Variants in GLT8D2 observed in about 807,000 individuals in gnomAD.
GLT8D2 encodes glycosyltransferase 8 domain containing 2.
Under a neutral mutation model 44.5 loss-of-function variants are expected in GLT8D2, and 45 were observed. The ratio of observed to expected loss-of-function variants is 1.01; its 90% CI spans 0.80 to 1.30. The LOEUF is 1.30. Among genes scored for constraint, GLT8D2 ranks in the 50% most tolerant of loss-of-function variants. The pLI, the probability that GLT8D2 is intolerant of heterozygous loss-of-function variation, is 0.00. For synonymous variants in GLT8D2, 156 were observed against 157.2 expected (o/e 0.99, Z 0.06); for missense variants, 400 against 430.4 (o/e 0.93, Z 0.62).
intron 1 of GLT8D2, among the ~76,000 whole-genome samples, chr12:104,044,769 C>T (rs1266919400): frequency 6.6e-6 from 1 of 152,224 alleles, no homozygotes; most frequent in Non-Finnish European, 1.5e-5. Context: ...TCATTTGAAA[C>T]ACAAATGCAG....
intron 1 of GLT8D2, among the ~76,000 whole-genome samples, chr12:104,041,220 C>A (rs1019970393): frequency 1.3e-5 from 2 of 152,080 alleles, no homozygotes; most frequent in Non-Finnish European, 2.9e-5. Context: ...TCGAGACCAG[C>A]CTGGCCAACA....
intron 1 of GLT8D2, among the ~76,000 whole-genome samples, chr12:104,032,881 T>TG (rs1879479377): frequency 6.7e-6 from 1 of 148,820 alleles, no homozygotes; most frequent in South Asian, 2.1e-4. Flanking sequence ...GCAGCACTAT[T>TG]TTTTTTTTTT....
rs10571369 is a variant in GLT8D2 at position 104,012,170 on chromosome 12, CAAAAA to C, written c.112+2838_112+2842del. On this transcript the variant is annotated intron_variant, in intron 4 of 10. Transcript: ENST00000360814. ...GGGCAACAAGAGCGAAACTCTGTCT[CAAAAA>C]AAAAAAAAAAAAAAATATATATATA... 2.2e-3 allele frequency among the ~76,000 whole-genome samples: 187 copies of C among 83,250 alleles called. 1 individual carries two copies. Among genetic ancestry groups the C allele is most frequent in the African/African-American group, 8.2e-3 (171 of 20,930 alleles). 54.6% of individuals were successfully genotyped at this position (83,250 alleles called of 152,430 possible).
chr12:104,041,240 G>A (rs553878069), intron 1 of GLT8D2, among the ~76,000 whole-genome samples: 4 of 151,968 alleles, frequency 2.6e-5, no homozygotes, highest in South Asian at 2.1e-4. Context: ...ATGGTAAAAC[G>A]CTGTCTCTAC....
At chr12:104,002,257 C>G (rs1874318468) in intron 5 of GLT8D2, among the ~76,000 whole-genome samples, 1 of 152,178 alleles carries the variant, frequency 6.6e-6, no homozygotes. Context: ...CCTCACCCAG[C>G]CTACAACACC....
chr12:103,993,666 A>G (rs1873053905), intron 9 of GLT8D2, among the ~76,000 whole-genome samples, 162 bp from the exon 10 acceptor site: 1 of 152,234 alleles, frequency 6.6e-6, no homozygotes, highest in South Asian at 2.1e-4. Flanking sequence ...ATTGTCAAAC[A>G]TACACAAAAT....
intron 5 of GLT8D2, among the ~76,000 whole-genome samples, chr12:104,001,427 T>C (rs1277333550): frequency 6.6e-6 from 1 of 152,236 alleles, no homozygotes; most frequent in African/African-American, 2.4e-5. Context: ...AAATTATATA[T>C]GCATACAACC....
At chr12:104,007,989 G>A (rs1175755938) in intron 4 of GLT8D2, among the ~76,000 whole-genome samples, 1 of 152,240 alleles carries the variant, frequency 6.6e-6, no homozygotes, top group Non-Finnish European at 1.5e-5. Context: ...CAGCCATGTG[G>A]AACTGTAAGT....
intron 4 of GLT8D2, 105 bp downstream of exon 4, chr12:104,014,908 C>T: frequency 1.3e-6 from 1 of 759,138 alleles, no homozygotes; most frequent in Non-Finnish European, 2.2e-6. Flanking sequence ...GGGAGTTGAC[C>T]AAACTGTCAC....
chr12:104,024,034 T>C (rs999264208), intron 1 of GLT8D2, among the ~76,000 whole-genome samples: 1 of 152,164 alleles, frequency 6.6e-6, no homozygotes, highest in Non-Finnish European at 1.5e-5. Context: ...GGTAACTACC[T>C]AGAAGTGGTA....
chr12:104,020,583 C>T (rs1256278454), intron 2 of GLT8D2, among the ~76,000 whole-genome samples: 2 of 152,042 alleles, frequency 1.3e-5, no homozygotes, highest in African/African-American at 4.8e-5. Flanking sequence ...AAATGTGACA[C>T]ATAAAAGTAT....
intron 1 of GLT8D2, among the ~76,000 whole-genome samples, chr12:104,055,994 T>C (rs1195332920): frequency 2.0e-5 from 3 of 152,238 alleles, no homozygotes; most frequent in Admixed American, 1.3e-4. Flanking sequence ...TGCTTTCCCC[T>C]GCTACTCCCT....
intron 1 of GLT8D2, among the ~76,000 whole-genome samples, chr12:104,058,913 C>CCTATATACCT (rs1231804455): frequency 3.9e-5 from 6 of 152,278 alleles, no homozygotes; most frequent in African/African-American, 1.4e-4. Flanking sequence ...AGCACCAAAT[C>CCTATATACCT]CTATATACCT....
chr12:104,009,175 C>T (rs2136321633), intron 4 of GLT8D2, among the ~76,000 whole-genome samples: 1 of 152,324 alleles, frequency 6.6e-6, no homozygotes, highest in Non-Finnish European at 1.5e-5. Flanking sequence ...GGAAAAGCTA[C>T]AGACACTCAA....
chr12:104,062,395 AGAGAGTTATC>A (rs1422958775), intron 1 of GLT8D2, among the ~76,000 whole-genome samples: 1 of 152,072 alleles, frequency 6.6e-6, no homozygotes, highest in East Asian at 1.9e-4. Flanking sequence ...TTTAAAACAT[AGAGAGTTATC>A]TCTCAAAAAA....
At chr12:103,994,281 T>C in intron 9 of GLT8D2, 54 bp downstream of exon 9, 1 of 1,505,874 alleles carries the variant, frequency 6.6e-7, no homozygotes, top group Non-Finnish European at 9.0e-7. Flanking sequence ...GGAAAATTAA[T>C]TGAATGATTT....
Position 104,062,231 on chromosome 12 carries a change from G to A in GLT8D2, c.-423+1718C>T, listed in dbSNP as rs1414928946. ...TGGGATTACAGGCATGCACCACCAC[G>A]CCCGGCTAATTTTTGTATTTTTGGT... is the stretch of plus-strand genomic sequence containing the variant. On this transcript the variant is annotated intron_variant, in intron 1 of 10. Coordinates refer to the GLT8D2 transcript ENST00000548660. 6.6e-5 allele frequency among the ~76,000 whole-genome samples: 10 copies of A among 151,798 alleles called. No individual in the cohort carries two copies. The South Asian group carries it at 8.3e-4, about 13-fold the overall frequency.
intron 1 of GLT8D2, among the ~76,000 whole-genome samples, chr12:104,046,494 C>A (rs1370302888): frequency 1.3e-5 from 2 of 152,174 alleles, no homozygotes; most frequent in African/African-American, 4.8e-5. Context: ...ACATTCTTAA[C>A]CACCTTGATA....
chr12:104,064,315 C>G (rs1453148693), upstream of GLT8D2: 3 of 409,524 alleles, frequency 7.3e-6, no homozygotes, highest in Non-Finnish European at 1.3e-5. This position sits in a 1 kb window ranked among gnomAD's most constrained non-coding sequence, Gnocchi z 7.3. Context: ...GGGAAGCGTC[C>G]TTCCACCCTA....
Sources: allele counts gnomAD v4.1 joint callset (sites outside exome capture counted in the v4.1 genomes callset), GRCh38; gene constraint gnomAD v4.1.1; non-coding constraint Gnocchi (gnomAD v3.1); transcripts MANE v1.5; gene names NCBI Gene and HGNC (gene_info 2026-07-23, HGNC 2026-07-21).